SLC15A4: variants seen among roughly 807,000 people sequenced by gnomAD.
The protein encoded by SLC15A4 is hPHT1.
Under a neutral mutation model 46.1 loss-of-function variants are expected in SLC15A4, and 26 were observed. The ratio of observed to expected loss-of-function variants is 0.56; its 90% CI spans 0.41 to 0.78. SLC15A4 has a LOEUF of 0.78. Ranked by LOEUF, SLC15A4 falls within the 30% of genes least tolerant of loss-of-function variation. The pLI is 0.00. For missense variants in SLC15A4, 751 were observed against 755.7 expected (o/e 0.99, Z 0.07); for synonymous variants, 370 against 333.4 (o/e 1.11, Z -1.20).
chr12:128,795,362 C>T (rs758940410), intron 7 of SLC15A4, among the ~76,000 whole-genome samples: 2 of 152,146 alleles, frequency 1.3e-5, no homozygotes, highest in Non-Finnish European at 2.9e-5. Context: ...AACCGAGTCC[C>T]GGGCACTATG....
chr12:128,820,764 T>G (rs1176655141), intron 1 of SLC15A4, among the ~76,000 whole-genome samples: 1 of 152,208 alleles, frequency 6.6e-6, no homozygotes, highest in African/African-American at 2.4e-5. Flanking sequence ...CACAGTAAGC[T>G]CTCAGTAAAT....
chr12:128,795,425 G>T (rs1451868842), intron 7 of SLC15A4, among the ~76,000 whole-genome samples: 1 of 152,278 alleles, frequency 6.6e-6, no homozygotes, highest in East Asian at 1.9e-4. Context: ...CAGCACAGAG[G>T]ATAAGATCAT....
intron 5 of SLC15A4, among the ~76,000 whole-genome samples, chr12:128,804,513 C>CTT: frequency 1.3e-5 from 2 of 152,200 alleles, no homozygotes; most frequent in Non-Finnish European, 2.9e-5. Flanking sequence ...GGGCAGATCA[C>CTT]AAGGTCAGGA....
At chr12:128,795,988 C>T (rs577946014) in intron 7 of SLC15A4, among the ~76,000 whole-genome samples, 1 of 152,384 alleles carries the variant, frequency 6.6e-6, no homozygotes, top group African/African-American at 2.4e-5. Flanking sequence ...TCTTCAAAAA[C>T]ACTTTCTCAT....
chr12:128,803,800 A>C (rs1056669217), intron 5 of SLC15A4, among the ~76,000 whole-genome samples: 1 of 152,200 alleles, frequency 6.6e-6, no homozygotes, highest in African/African-American at 2.4e-5. Flanking sequence ...GACAACAAAT[A>C]ATTCTTGAGG....
chr12:128,798,551 G>A (rs776582988), intron 7 of SLC15A4, among the ~76,000 whole-genome samples: 13 of 152,152 alleles, frequency 8.5e-5, no homozygotes, highest in Admixed American at 1.3e-4. Context: ...AAGTACTACC[G>A]GACCAGAGCA....
At chr12:128,799,896 C>T (rs1955494993) in intron 6 of SLC15A4, among the ~76,000 whole-genome samples, 1 of 152,112 alleles carries the variant, frequency 6.6e-6, no homozygotes, top group African/African-American at 2.4e-5. Context: ...GGCTGGAGTG[C>T]AATGGCAGGA....
chr12:128,803,568 A>C (rs1955543757), intron 5 of SLC15A4, among the ~76,000 whole-genome samples: 1 of 152,194 alleles, frequency 6.6e-6, no homozygotes, highest in South Asian at 2.1e-4. Flanking sequence ...CTTCCAACCC[A>C]ACGGCTGTTT....
intron 2 of SLC15A4, 108 bp downstream of exon 2, chr12:128,814,667 A>G: frequency 8.5e-7 from 1 of 1,179,920 alleles, no homozygotes; most frequent in Non-Finnish European, 1.2e-6. Context: ...TAAACCACTC[A>G]GCCCAGGCCC....
rs1394220851 is a variant in SLC15A4 at position 128,810,103 on chromosome 12, A to C, written c.851T>G (p.Ile284Ser). 5.0e-6 allele frequency: 8 copies of C among 1,611,402 alleles called. No individual in the cohort carries two copies. In the South Asian group the frequency reaches 8.9e-5, roughly 18 times the overall value. The change falls in exon 3 of 8, where the codon ATT becomes AGT. Residue 284 changes from isoleucine (I) to serine (S), a missense_variant. By Grantham distance (142) the Ile-to-Ser change is moderately radical. Coordinates refer to ENST00000266771, the MANE Select transcript of SLC15A4 (RefSeq NM_145648.4). Reference sequence around the variant, plus strand: ...TTTAGAAGATTGCTGAAAGACTCCAATGCCTTCACTTTGGGAAATAAAATG... The same window carrying C: ...TTTAGAAGATTGCTGAAAGACTCCACTGCCTTCACTTTGGGAAATAAAATG... ...SGERQSNGEGIGVFQQSSKQS... is the reference protein window; with the variant it reads ...SGERQSNGEGSGVFQQSSKQS...
chr12:128,823,935 G>A lies in SLC15A4; in HGVS notation c.9C>T (p.Gly3=). The A allele has an allele frequency of 3.3e-6, 2 of 610,614 alleles. No individual in the cohort carries two copies. Among genetic ancestry groups the A allele is most frequent in the Non-Finnish European group, 4.1e-6 (2 of 489,456 alleles). 37.8% of individuals were successfully genotyped at this position (610,614 alleles called of 1,614,324 possible). Residue 3 remains glycine, a synonymous_variant, in exon 1 of 8, where the codon GGC becomes GGT. Coordinates refer to ENST00000266771, the MANE Select transcript of SLC15A4 (RefSeq NM_145648.4). ME[G]SGGGAGERAP... ...CCCGCTCGCCCGCACCGCCCCCAGA[G>A]CCCTCCATGCGACGCCGCCAGCTGC...
chr12:128,805,289 C>T (rs556893811), intron 5 of SLC15A4, among the ~76,000 whole-genome samples: 7 of 151,796 alleles, frequency 4.6e-5, no homozygotes, highest in Non-Finnish European at 7.4e-5. Context: ...ATGAGACTAA[C>T]GTTGAATCAA....
At chr12:128,820,419 T>C (rs1039981035) in intron 1 of SLC15A4, among the ~76,000 whole-genome samples, 4 of 152,212 alleles carry the variant, frequency 2.6e-5, no homozygotes, top group African/African-American at 9.6e-5. Flanking sequence ...TACGCCACTG[T>C]ACAAAAAACC....
chr12:128,823,816 G>T lies in SLC15A4; in HGVS notation c.128C>A (p.Thr43Lys). The T allele has an allele frequency of 6.8e-7, 1 of 1,477,622 alleles. No homozygotes were observed. The highest frequency in any genetic ancestry group is 1.5e-5 in the African/African-American group (1 of 68,372). The allele number at this position is 1,477,622 out of a possible 1,614,324, so 91.5% of individuals were successfully genotyped here. ...RRAACGAVLL[T>K]ELLERAAFYG... ...GAAAGCGGCGCGCTCCAGCAGCTCC[G>T]TCAGCAGCACGGCCCCGCACGCCGC... Residue 43 changes from threonine to lysine, a missense_variant, in exon 1 of 8, where the codon ACG becomes AAG. By Grantham distance (78) the Thr-to-Lys change is moderately conservative. Transcript: ENST00000266771.
chr12:128,822,075 C>T (rs1430797061), intron 1 of SLC15A4, among the ~76,000 whole-genome samples: 1 of 152,144 alleles, frequency 6.6e-6, no homozygotes, highest in Non-Finnish European at 1.5e-5. Flanking sequence ...TCACATGATC[C>T]GGCCCCAGCC....
rs561510314 is a variant in SLC15A4 at position 128,796,389 on chromosome 12, A to G, written c.1574-2033T>C. On this transcript the variant is annotated intron_variant, in intron 7 of 7. Transcript: ENST00000266771. Reference sequence around the variant, plus strand: ...GGCTGCAGTGAGCCAAGATGGTACCACTGCACTCCAGCCCGGGCAACAAAC... The same window carrying G: ...GGCTGCAGTGAGCCAAGATGGTACCGCTGCACTCCAGCCCGGGCAACAAAC... 6.6e-5 allele frequency among the ~76,000 whole-genome samples: 9 copies of G among 136,384 alleles called. 1 individual carries two copies. In the South Asian group the frequency reaches 2.2e-3, roughly 33 times the overall value. The allele number at this position is 136,384 out of a possible 152,430, so 89.5% of individuals were successfully genotyped here. A position where few individuals can be genotyped will look rare whatever the true frequency, so the allele number is the denominator to read the frequency against.
At chr12:128,798,226 T>C (rs1955469873) in intron 7 of SLC15A4, among the ~76,000 whole-genome samples, 1 of 152,234 alleles carries the variant, frequency 6.6e-6, no homozygotes, top group South Asian at 2.1e-4. Context: ...AGGAAGTCTG[T>C]CCCATGTACC....
At chr12:128,807,521 C>T (rs182452617) in intron 5 of SLC15A4, among the ~76,000 whole-genome samples, 1 of 152,298 alleles carries the variant, frequency 6.6e-6, no homozygotes, top group East Asian at 1.9e-4. Flanking sequence ...ACTCCAGCCC[C>T]GGGGGGAGAG....
intron 1 of SLC15A4, among the ~76,000 whole-genome samples, chr12:128,818,261 T>TCACA (rs2135722904): frequency 6.6e-6 from 1 of 152,172 alleles, no homozygotes; most frequent in African/African-American, 2.4e-5. Context: ...GACTCACAGC[T>TCACA]CACACATCCT....
Sources: gnomAD v4.1 joint callset for allele counts (sites outside exome capture counted in the v4.1 genomes callset) on GRCh38, gnomAD v4.1.1 for gene constraint, MANE v1.5 for transcripts, NCBI Gene and HGNC (gene_info 2026-07-23, HGNC 2026-07-21) for gene names.